Variants in ADCY6 observed in about 807,000 individuals in gnomAD.
ADCY6 encodes the protein adenylate cyclase 6.
Under a neutral mutation model 111.6 loss-of-function variants are expected in ADCY6, and 59 were observed. The ratio of observed to expected loss-of-function variants is 0.53; its 90% CI spans 0.43 to 0.66. The LOEUF is 0.66. ADCY6 is among the 30% of genes least tolerant of loss of function. The pLI, the probability that ADCY6 is intolerant of heterozygous loss-of-function variation, is 0.00. For synonymous variants in ADCY6, 576 were observed against 642.9 expected, an observed-to-expected ratio of 0.90 and a Z score of 1.57; for missense variants, 1,242 against 1,595.6, an observed-to-expected ratio of 0.78 and a Z score of 3.78.
In ADCY6 at chr12:48,776,407, C is replaced by T. The variant is rs375042832; in HGVS notation, c.1535+21G>A. ...TCTCCCACCTTGCCCCCATCCCCCC[C>T]ACCTGGACCCCCCTACTCACCCAGC... On this transcript the variant is annotated intron_variant, in intron 7 of 21. Coordinates refer to ENST00000357869, the MANE Select transcript of ADCY6 (RefSeq NM_015270.5). This position sits in a 1 kb window ranked among gnomAD's most constrained non-coding sequence, Gnocchi z 6.1. 112 of 1,612,614 alleles carry T rather than the reference C, an allele frequency of 6.9e-5. No homozygotes were observed. Among genetic ancestry groups the T allele is most frequent in the Non-Finnish European group, 9.2e-5 (108 of 1,179,066 alleles).
At chr12:48,784,615 G>A (rs939558111) in intron 1 of ADCY6, among the ~76,000 whole-genome samples, 3 of 150,008 alleles carry the variant, frequency 2.0e-5, no homozygotes, top group South Asian at 2.1e-4. Context: ...CTGGGTCCCA[G>A]TGGGTCCCGA....
At position 48,776,631 on chromosome 12, in the gene ADCY6, C is replaced by T. The variant is rs762005022; in HGVS notation, c.1377-45G>A. 6.4e-7 allele frequency: 1 copy of T among 1,570,326 alleles called. No homozygotes were observed. The highest frequency in any genetic ancestry group is 8.6e-7 in the Non-Finnish European group (1 of 1,161,762). On this transcript the variant is annotated intron_variant, in intron 6 of 21. Transcript: ENST00000357869. The surrounding 1 kb of genome is among the most constrained non-coding windows in gnomAD (Gnocchi z 6.1). ...GATCAGCTCCTGGCAGTCTTCCCCTCCCCCAGCCCACAACCCAGGCCCTTC... is the reference window on the plus strand; with the variant it reads ...GATCAGCTCCTGGCAGTCTTCCCCTTCCCCAGCCCACAACCCAGGCCCTTC...
chr12:48,775,533 T>TGAGG (rs1941673239), intron 10 of ADCY6, 83 bp from the exon 11 acceptor site: 2 of 1,592,978 alleles, frequency 1.3e-6, no homozygotes, highest in Admixed American at 1.7e-5. Context: ...GGACAGCACC[T>TGAGG]GAGGGAGGGA....
Position 48,774,017 on chromosome 12 carries a change from G to C in ADCY6, c.2365C>G (p.Leu789Val). Residue 789 changes from leucine (L) to valine (V), a missense_variant, in exon 15 of 22, where the codon CTG becomes GTG. Physicochemically the swap from Leu to Val is conservative, Grantham distance 32. Coordinates refer to ENST00000357869, the MANE Select transcript of ADCY6 (RefSeq NM_015270.5). The part of the protein sequence containing the change: ...LTPADITACH[L>V]QQLNYSLGLD... ...CCCAGAGAGTAATTGAGCTGCTGCA[G>C]GTGGCAGGCAGTGATGTCAGCAGGT... is the stretch of plus-strand genomic sequence containing the variant. 6.2e-7 allele frequency: 1 copy of C among 1,613,498 alleles called. No individual in the cohort carries two copies. The highest frequency in any genetic ancestry group is 8.5e-7 in the Non-Finnish European group (1 of 1,179,724).
intron 1 of ADCY6, among the ~76,000 whole-genome samples, chr12:48,784,815 C>T (rs1401426260): frequency 6.6e-6 from 1 of 152,016 alleles, no homozygotes; most frequent in African/African-American, 2.4e-5. Flanking sequence ...AGGCGCCTGC[C>T]ACCATGCCCA....
chr12:48,773,521 G>T lies in ADCY6; in HGVS notation c.2569C>A (p.Pro857Thr). ...LIYLVLLLLG[P>T]PATIFDNYDL... ...TAGTTGTCAAAGATGGTGGCTGGGG[G>T]ACCCAGCAGAAGCAGCACCAAATAG... The change falls in exon 16 of 22, where the codon CCC becomes ACC. Residue 857 changes from proline to threonine, a missense_variant. Physicochemically the swap from Pro to Thr is conservative, Grantham distance 38. Around this residue, in one of 4 missense-constraint regions of ADCY6, gnomAD observed 375 missense variants for 432.5 expected, o/e 0.87. Transcript: ENST00000357869. 1 of 1,614,082 alleles carries T rather than the reference G, an allele frequency of 6.2e-7. No individual in the cohort carries two copies. Among genetic ancestry groups the T allele is most frequent in the East Asian group, 2.2e-5 (1 of 44,878 alleles).
In ADCY6 at chr12:48,782,726, C is replaced by A; in HGVS notation, c.709G>T (p.Ala237Ser). ...AAGAACACAGGGCACCAGAGGCCCG[C>A]AGAGGGGCTGCGCGGGTCTGCTGCG... ...ALAADPRSPSAGLWCPVFFVY... is the reference protein window; with the variant it reads ...ALAADPRSPSSGLWCPVFFVY... The change falls in exon 2 of 22, where the codon GCG (alanine) becomes TCG (serine). Residue 237 changes from alanine (A) to serine (S), a missense_variant. Transcript: ENST00000357869. The surrounding 1 kb of genome is among the most constrained non-coding windows in gnomAD (Gnocchi z 4.3). 1.9e-6 allele frequency: 3 copies of A among 1,598,546 alleles called. No individual in the cohort carries two copies. The highest frequency in any genetic ancestry group is 2.6e-6 in the Non-Finnish European group (3 of 1,172,212).
chr12:48,775,591 T>C (rs1941675236), intron 10 of ADCY6, 82 bp downstream of exon 10: 1 of 1,584,228 alleles, frequency 6.3e-7, no homozygotes. Flanking sequence ...ACTCCTAAGG[T>C]CAGGGAAAAG....
intron 20 of ADCY6, among the ~76,000 whole-genome samples, chr12:48,770,223 C>T (rs747357243): frequency 1.6e-4 from 24 of 152,120 alleles, no homozygotes; most frequent in Middle Eastern, 3.4e-3. Context: ...CCTTTCAACA[C>T]CTCTAAAAGG....
chr12:48,783,524 T>C (rs1941912686), intron 1 of ADCY6, 86 bp from the exon 2 acceptor site: 2 of 1,590,044 alleles, frequency 1.3e-6, no homozygotes, highest in Non-Finnish European at 1.7e-6. Flanking sequence ...CCACCACTAG[T>C]AGCTCATTAC....
rs116834962 is a variant in ADCY6 at position 48,773,581 on chromosome 12, C to T, written c.2509G>A (p.Gly837Arg). ...AAGACAAAGATCATGGCCAACTTCC[C>T]GATGCTGCTGATGTGCAGGAAGACA... ...SSVFLHISSI[G>R]KLAMIFVLGL... The change falls in exon 16 of 22, where the codon GGG (glycine) becomes AGG (arginine). Residue 837 changes from glycine to arginine, a missense_variant. This residue lies in a region of ADCY6 where 375 missense variants were observed against 432.5 expected (regional missense o/e 0.87). Coordinates refer to ENST00000357869, the MANE Select transcript of ADCY6 (RefSeq NM_015270.5). 3.7e-6 allele frequency: 6 copies of T among 1,614,116 alleles called. No individual in the cohort carries two copies. The highest frequency in any genetic ancestry group is 1.3e-5 in the African/African-American group (1 of 75,042).
At position 48,771,478 on chromosome 12, in the gene ADCY6, T is replaced by C. The variant is rs116195051; in HGVS notation, c.3051+232A>G. 4.2e-3 allele frequency: 2,764 copies of C among 659,736 alleles called. 56 individuals are homozygous for C. In the African/African-American group the frequency reaches 0.043, roughly 10 times the overall value. The allele number at this position is 659,736 out of a possible 1,614,324, so 40.9% of individuals were successfully genotyped here. On this transcript the variant is annotated intron_variant, in intron 19 of 21. Transcript: ENST00000357869. The surrounding 1 kb of genome is among the most constrained non-coding windows in gnomAD (Gnocchi z 4.3). ...CTATCCTATCCCCCTACAGATCAAG[T>C]CCTCCCCTGCTCCCCAACAGTGATG...
Position 48,777,037 on chromosome 12 carries a change from A to C in ADCY6, c.1376+67T>G. 1.3e-6 allele frequency: 2 copies of C among 1,520,920 alleles called. No individual in the cohort carries two copies. Among genetic ancestry groups the C allele is most frequent in the South Asian group, 2.6e-5 (2 of 76,256 alleles). 94.2% of individuals were successfully genotyped at this position (1,520,920 alleles called of 1,614,324 possible). On this transcript the variant is annotated intron_variant, in intron 6 of 21. Coordinates refer to ENST00000357869, the MANE Select transcript of ADCY6 (RefSeq NM_015270.5). This position sits in a 1 kb window ranked among gnomAD's most constrained non-coding sequence, Gnocchi z 4.9. Reference sequence around the variant, plus strand: ...AACTGAGGAAATCTCCTGAGGTCTCATCAAAAAGTAGGAGCAGTCTGGGGC... The same window carrying C: ...AACTGAGGAAATCTCCTGAGGTCTCCTCAAAAAGTAGGAGCAGTCTGGGGC...
rs765779070 is a variant in ADCY6, at chr12:48,777,187, G to A, written c.1293C>T (p.Tyr431=). 3 of 1,613,992 alleles carry A rather than the reference G, an allele frequency of 1.9e-6. No individual in the cohort carries two copies. The highest frequency in any genetic ancestry group is 8.5e-7 in the Non-Finnish European group (1 of 1,179,984). ...LRIKILGDCY[Y]CVSGLPEARA... ...GGGCCTCCGGCAGCCCTGACACACA[G>A]TAGTAACAGTCCCCCAAGATCTTGA... is the stretch of plus-strand genomic sequence containing the variant. Residue 431 remains tyrosine (Y), a synonymous_variant, in exon 6 of 22, where the codon TAC becomes TAT. Coordinates refer to ENST00000357869, the MANE Select transcript of ADCY6 (RefSeq NM_015270.5). This position sits in a 1 kb window ranked among gnomAD's most constrained non-coding sequence, Gnocchi z 4.9.
In ADCY6 at chr12:48,775,426, G is replaced by T; in HGVS notation, c.1857C>A (p.Asn619Lys). Residue 619 changes from asparagine (N) to lysine (K), a missense_variant, in exon 11 of 22, where the codon AAC becomes AAA. Coordinates refer to ENST00000357869, the MANE Select transcript of ADCY6 (RefSeq NM_015270.5). ...KDNRGTQDAL[N>K]PEDEVDEFLS... is the part of the protein sequence containing the mutation. ...GGAACTCATCCACCTCATCCTCAGGGTTCAGGGCATCTTGGGTGCCCCGGC... is the reference window on the plus strand; with the variant it reads ...GGAACTCATCCACCTCATCCTCAGGTTTCAGGGCATCTTGGGTGCCCCGGC... 6.2e-7 allele frequency: 1 copy of T among 1,614,124 alleles called. No individual in the cohort carries two copies. The highest frequency in any genetic ancestry group is 8.5e-7 in the Non-Finnish European group (1 of 1,180,024).
chr12:48,783,031 T>C lies in ADCY6; in HGVS notation c.404A>G (p.Lys135Arg), dbSNP rs1941891105. The change falls in exon 2 of 22, where the codon AAG becomes AGG. Residue 135 changes from lysine (K) to arginine (R), a missense_variant. By Grantham distance (26) the Lys-to-Arg change is conservative (BLOSUM62 2). This residue lies in a region of ADCY6 where 362 missense variants were observed against 377.2 expected (regional missense o/e 0.96). Coordinates refer to ENST00000357869, the MANE Select transcript of ADCY6 (RefSeq NM_015270.5). ...GTACCGCTGGTACAGGCGCTCCAGCTTGGCCGAACGGAACTGCTTCGACTG... is the reference window on the plus strand; with the variant it reads ...GTACCGCTGGTACAGGCGCTCCAGCCTGGCCGAACGGAACTGCTTCGACTG... ...VFQSKQFRSA[K>R]LERLYQRYFF... 1 of 1,613,596 alleles carries C rather than the reference T, an allele frequency of 6.2e-7. No homozygotes were observed.
intron 15 of ADCY6, 33 bp from the exon 16 acceptor site, chr12:48,773,680 G>A: frequency 6.2e-7 from 1 of 1,612,942 alleles, no homozygotes; most frequent in Non-Finnish European, 8.5e-7. Flanking sequence ...GTTGGGTGAA[G>A]GCAGAGGCCA....
chr12:48,771,071 C>G lies in ADCY6; in HGVS notation c.3052-101G>C, dbSNP rs1941527405. The G allele has an allele frequency of 8.3e-7, 1 of 1,205,130 alleles. No homozygotes were observed. The highest frequency in any genetic ancestry group is 1.2e-6 in the Non-Finnish European group (1 of 853,722). The allele number at this position is 1,205,130 out of a possible 1,614,324, so 74.7% of individuals were successfully genotyped here. The stretch of plus-strand genomic sequence containing the variant: ...CACGCCTTGGCTGCCTTCCCCACTT[C>G]CCTGTCTCAAGAGCCCCCTTCCAGC... On this transcript the variant is annotated intron_variant, in intron 19 of 21. Transcript: ENST00000357869. This position sits in a 1 kb window ranked among gnomAD's most constrained non-coding sequence, Gnocchi z 4.3.
At chr12:48,769,751 T>TA (rs956855802) in intron 20 of ADCY6, among the ~76,000 whole-genome samples, 3 of 146,858 alleles carry the variant, frequency 2.0e-5, no homozygotes, top group African/African-American at 7.5e-5. Context: ...CACACCCAAC[T>TA]AATTTTTGTT....
Sources: gnomAD v4.1 joint callset for allele counts (sites outside exome capture counted in the v4.1 genomes callset) on GRCh38, gnomAD v4.1.1 for gene constraint, gnomAD v4.1.1 regional missense constraint, Gnocchi (gnomAD v3.1) non-coding constraint, MANE v1.5 for transcripts, NCBI Gene and HGNC (gene_info 2026-07-23, HGNC 2026-07-21) for gene names.